PRKG2: variants seen among roughly 807,000 people sequenced by gnomAD.
PRKG2 encodes protein kinase cGMP-dependent 2.
Under a neutral mutation model 97.2 loss-of-function variants are expected in PRKG2, and 33 were observed. The ratio of observed to expected loss-of-function variants is 0.34; its 90% CI spans 0.26 to 0.45. PRKG2 has a LOEUF of 0.45. PRKG2 is among the 20% of genes least tolerant of loss of function. The pLI is 1.00. For missense variants in PRKG2, 638 were observed against 900.0 expected, an observed-to-expected ratio of 0.71 and a Z score of 3.73; for synonymous variants, 330 against 321.8, an observed-to-expected ratio of 1.03 and a Z score of -0.27.
chr4:81,107,689 T>A (rs534921907), intron 15 of PRKG2, among the ~76,000 whole-genome samples: 1 of 152,044 alleles, frequency 6.6e-6, no homozygotes, highest in East Asian at 2.0e-4. Flanking sequence ...ATTTTTGTAT[T>A]TTTAGTGGAG....
chr4:81,122,574 C>A (rs1481367380), intron 14 of PRKG2, among the ~76,000 whole-genome samples: 1 of 152,190 alleles, frequency 6.6e-6, no homozygotes, highest in Non-Finnish European at 1.5e-5. Context: ...TCCAAAGACA[C>A]ACTTCCAAAC....
At chr4:81,214,168 A>AAG (rs1482400231) in intron 1 of PRKG2, among the ~76,000 whole-genome samples, 5 of 151,090 alleles carry the variant, frequency 3.3e-5, no homozygotes, top group African/African-American at 1.2e-4. Context: ...AAAAAAAAAA[A>AAG]AAGAAGGAGA....
At chr4:81,137,851 A>G (rs1017486898) in intron 12 of PRKG2, among the ~76,000 whole-genome samples, 1 of 152,204 alleles carries the variant, frequency 6.6e-6, no homozygotes, top group Non-Finnish European at 1.5e-5. Flanking sequence ...AGACCTCTGA[A>G]TATGTCACCT....
intron 6 of PRKG2, among the ~76,000 whole-genome samples, chr4:81,157,845 T>C (rs545422865): frequency 1.3e-5 from 2 of 149,278 alleles, no homozygotes; most frequent in Admixed American, 1.3e-4. Context: ...ATTATCTCAA[T>C]AGATGCAGAA....
chr4:81,154,458 G>A (rs1407059034), intron 6 of PRKG2, among the ~76,000 whole-genome samples: 1 of 150,364 alleles, frequency 6.7e-6, no homozygotes, highest in Admixed American at 6.6e-5. Context: ...GTGGGTCCCT[G>A]ACCCTGACCC....
chr4:81,195,230 G>A (rs1289240065), intron 2 of PRKG2, among the ~76,000 whole-genome samples: 3 of 152,012 alleles, frequency 2.0e-5, no homozygotes, highest in Non-Finnish European at 2.9e-5. Context: ...ACAAGAATTT[G>A]ACATAGCTTG....
At chr4:81,136,338 A>T (rs1188410138) in intron 13 of PRKG2, among the ~76,000 whole-genome samples, 1 of 152,208 alleles carries the variant, frequency 6.6e-6, no homozygotes, top group Admixed American at 6.5e-5. Context: ...ATCCCAGATT[A>T]AATGAATCAT....
chr4:81,131,254 C>A (rs562623640), intron 14 of PRKG2, among the ~76,000 whole-genome samples: 1 of 150,642 alleles, frequency 6.6e-6, no homozygotes, highest in South Asian at 2.1e-4. Context: ...TCCCCAACCC[C>A]TTGTGGTTCC....
intron 5 of PRKG2, among the ~76,000 whole-genome samples, chr4:81,168,248 G>T (rs1177471691): frequency 6.6e-6 from 1 of 151,988 alleles, no homozygotes; most frequent in Admixed American, 6.6e-5. Context: ...TGGCAAAAGA[G>T]ATATAAGAAA....
At chr4:81,167,952 G>A (rs533172261) in intron 5 of PRKG2, among the ~76,000 whole-genome samples, 76 of 151,928 alleles carry the variant, frequency 5.0e-4, no homozygotes, top group African/African-American at 1.6e-3. Flanking sequence ...GTAGCTTCAC[G>A]GGTGTTCATT....
chr4:81,156,395 A>G (rs1177811616), intron 6 of PRKG2, among the ~76,000 whole-genome samples: 1 of 152,246 alleles, frequency 6.6e-6, no homozygotes, highest in Non-Finnish European at 1.5e-5. Flanking sequence ...CTAAATATAT[A>G]TGCACCCAAT....
rs764556247 is a variant in PRKG2, at chr4:81,089,714, G to A, written c.2283C>T (p.Asp761=). The change falls in exon 19 of 19, where the codon GAC becomes GAT. Residue 761 remains aspartate, a synonymous_variant. Coordinates refer to ENST00000264399, the MANE Select transcript of PRKG2 (RefSeq NM_006259.3). Reference sequence around the variant, plus strand: ...GTAATCAACTTTTCTTCTGTCAGAAGTCTTTATCCCAGCCTGATAGCTCAT... The same window carrying A: ...GTAATCAACTTTTCTTCTGTCAGAAATCTTTATCCCAGCCTGATAGCTCAT... ...PPDELSGWDK[D]F 4 of 1,604,688 alleles carry A rather than the reference G, an allele frequency of 2.5e-6. No homozygotes were observed. The highest frequency in any genetic ancestry group is 1.7e-5 in the Admixed American group (1 of 59,984).
At position 81,151,282 on chromosome 4, in the gene PRKG2, CTAACTT is replaced by C. The variant is rs537907366; in HGVS notation, c.1085+672_1085+677del. ...GATAATTCCAATAAAGTGTGTTGCT[CTAACTT>C]TAACTTAATATTTTATAAAGTTATT... On this transcript the variant is annotated intron_variant, in intron 8 of 18. Transcript: ENST00000264399. Among the ~76,000 whole-genome samples the C allele has an allele frequency of 8.2e-4, 125 of 152,110 alleles. 1 individual carries two copies. Among genetic ancestry groups the C allele is most frequent in the African/African-American group, 3.0e-3 (124 of 41,528 alleles).
chr4:81,195,005 AC>A (rs1308428349), intron 2 of PRKG2, among the ~76,000 whole-genome samples: 1 of 152,122 alleles, frequency 6.6e-6, no homozygotes, highest in Admixed American at 6.5e-5. Context: ...TGGGGGTTAG[AC>A]CCAGGCATCA....
At chr4:81,121,791 T>C (rs1169347645) in intron 14 of PRKG2, among the ~76,000 whole-genome samples, 1 of 152,208 alleles carries the variant, frequency 6.6e-6, no homozygotes, top group East Asian at 1.9e-4. Context: ...AAATAACTTT[T>C]GGTTTCATTC....
chr4:81,094,832 C>T (rs1165388870), intron 17 of PRKG2, among the ~76,000 whole-genome samples: 1 of 152,058 alleles, frequency 6.6e-6, no homozygotes, highest in African/African-American at 2.4e-5. Context: ...GGCTAGATCA[C>T]GTACAGCTTT....
At chr4:81,145,089 G>T (rs1747727966) in intron 9 of PRKG2, among the ~76,000 whole-genome samples, 1 of 152,174 alleles carries the variant, frequency 6.6e-6, no homozygotes, top group Non-Finnish European at 1.5e-5. Flanking sequence ...AGTCTTTATA[G>T]CAGTATGATT....
In PRKG2 at chr4:81,105,908, C is replaced by A; in HGVS notation, c.1968G>T (p.Met656Ile). ...CTTTGAGAATCAAATTGTAGGTCAT[C>A]ATTTGGTCAACCCCAGAAAAGGGTG... ...GNPPFSGVDQ[M>I]MTYNLILKGI... The change falls in exon 16 of 19, where the codon ATG (methionine) becomes ATT (isoleucine). Residue 656 changes from methionine (M) to isoleucine (I), a missense_variant. Coordinates refer to ENST00000264399, the MANE Select transcript of PRKG2 (RefSeq NM_006259.3). The A allele has an allele frequency of 6.2e-7, 1 of 1,613,664 alleles. No homozygotes were observed. The highest frequency in any genetic ancestry group is 8.5e-7 in the Non-Finnish European group (1 of 1,179,730).
At chr4:81,101,293 A>G (rs1742736682) in intron 17 of PRKG2, among the ~76,000 whole-genome samples, 1 of 152,186 alleles carries the variant, frequency 6.6e-6, no homozygotes, top group Admixed American at 6.6e-5. Flanking sequence ...ACTATTCACA[A>G]TAGCAAAGAC....
Sources: gnomAD v4.1 joint callset for allele counts (sites outside exome capture counted in the v4.1 genomes callset) on GRCh38, gnomAD v4.1.1 for gene constraint, MANE v1.5 for transcripts, NCBI Gene and HGNC (gene_info 2026-07-23, HGNC 2026-07-21) for gene names.